ESYT2: variants seen among roughly 807,000 people sequenced by gnomAD.
ESYT2 encodes extended synaptotagmin 2, also known as extended synaptotagmin-2.
A neutral mutation model predicts 107.2 loss-of-function variants in ESYT2; 54 were observed. The observed-to-expected ratio is 0.50, with a 90% CI of 0.40 to 0.63. The LOEUF (loss-of-function observed/expected upper bound fraction) is 0.63, where lower values mean the gene tolerates loss of function less well. Ranked by LOEUF, ESYT2 falls within the 30% of genes least tolerant of loss-of-function variation. The probability of loss-of-function intolerance (pLI) is 0.00; values close to 1 mark genes in which losing one functional copy is unlikely to be tolerated. For missense variants in ESYT2, 1,020 were observed against 1,094.5 expected (o/e 0.93, Z 0.96); for synonymous variants, 491 against 434.1 (o/e 1.13, Z -1.63).
intron 1 of ESYT2, among the ~76,000 whole-genome samples, chr7:158,817,385 T>A (rs1481012911): frequency 6.6e-6 from 1 of 152,234 alleles, no homozygotes; most frequent in Non-Finnish European, 1.5e-5. Flanking sequence ...TGATTCCAGG[T>A]CTCTAGACAG....
intron 1 of ESYT2, among the ~76,000 whole-genome samples, chr7:158,810,474 C>G (rs1839962862): frequency 6.6e-6 from 1 of 151,976 alleles, no homozygotes; most frequent in African/African-American, 2.4e-5. Context: ...TCACTTGAGC[C>G]CAGAAGTTCA....
At chr7:158,750,429 C>G (rs1313603745) in intron 14 of ESYT2, among the ~76,000 whole-genome samples, 2 of 152,012 alleles carry the variant, frequency 1.3e-5, no homozygotes, top group African/African-American at 4.8e-5. Context: ...CTTAGCCCCA[C>G]AAGAAGATGC....
intron 1 of ESYT2, among the ~76,000 whole-genome samples, chr7:158,799,567 T>C (rs750064867): frequency 1.3e-5 from 2 of 152,292 alleles, no homozygotes; most frequent in Middle Eastern, 6.8e-3. Flanking sequence ...TTGTCTGCAA[T>C]GTGCTACAAC....
At chr7:158,783,130 C>T (rs1229723413) in intron 6 of ESYT2, among the ~76,000 whole-genome samples, 1 of 152,190 alleles carries the variant, frequency 6.6e-6, no homozygotes, top group African/African-American at 2.4e-5. Flanking sequence ...TTCCAAAGGA[C>T]AGGAAGTCAC....
intron 7 of ESYT2, among the ~76,000 whole-genome samples, chr7:158,769,561 T>A (rs1015954030): frequency 2.0e-5 from 3 of 152,262 alleles, no homozygotes; most frequent in Non-Finnish European, 4.4e-5. Flanking sequence ...TCCCTGTGTG[T>A]CCTTCGGAAC....
intron 3 of ESYT2, among the ~76,000 whole-genome samples, chr7:158,794,908 C>A (rs1238731780): frequency 6.6e-6 from 1 of 152,192 alleles, no homozygotes; most frequent in African/African-American, 2.4e-5. Flanking sequence ...TAGCCACCTC[C>A]TATGCTCCCA....
intron 21 of ESYT2, 120 bp from the exon 22 acceptor site, chr7:158,734,591 C>G: frequency 1.2e-6 from 1 of 844,336 alleles, no homozygotes; most frequent in South Asian, 1.7e-5. Context: ...GAGTTTGAGA[C>G]CAGCCTGGGC....
intron 13 of ESYT2, among the ~76,000 whole-genome samples, chr7:158,759,265 T>A (rs531887883): frequency 6.3e-4 from 96 of 152,366 alleles, no homozygotes; most frequent in Non-Finnish European, 1.2e-3. Context: ...TTTTCCTATG[T>A]ACTGCACAAA....
chr7:158,784,541 A>C (rs910432900), intron 6 of ESYT2, among the ~76,000 whole-genome samples: 5 of 152,234 alleles, frequency 3.3e-5, no homozygotes, highest in Admixed American at 1.3e-4. Flanking sequence ...GCAGAACCAG[A>C]TGAAGCTAGT....
At chr7:158,764,892 G>A (rs1253478186) in intron 8 of ESYT2, 39 bp from the exon 9 acceptor site, 1 of 1,597,356 alleles carries the variant, frequency 6.3e-7, no homozygotes, top group Non-Finnish European at 8.5e-7. Flanking sequence ...ACCCTTGGCT[G>A]GCTTGTTTAA....
chr7:158,772,794 C>G (rs140977508), intron 7 of ESYT2, among the ~76,000 whole-genome samples: 1 of 151,482 alleles, frequency 6.6e-6, no homozygotes. Flanking sequence ...TGAAATGATA[C>G]GGAACTTCAA....
At chr7:158,786,386 G>A (rs551280758) in intron 6 of ESYT2, among the ~76,000 whole-genome samples, 5 of 151,918 alleles carry the variant, frequency 3.3e-5, no homozygotes, top group South Asian at 2.1e-4. Flanking sequence ...AATGAAGTTC[G>A]TTTCTTAAAC....
Position 158,829,350 on chromosome 7 carries a change from C to G in ESYT2, c.69G>C (p.Glu23Asp), listed in dbSNP as rs1418886921. The change falls in exon 1 of 23, where the codon GAG (glutamate) becomes GAC (aspartate). Residue 23 changes from glutamate to aspartate, a missense_variant. Physicochemically the swap from Glu to Asp is conservative, Grantham distance 45. Coordinates refer to ENST00000275418, the MANE Select transcript of ESYT2 (RefSeq NM_001367773.1). ...CCACGCTCAGCACGCCCCCGGGGTT[C>G]TCAGGCGCCGCGCGGCCCCCAGCCC... Reference protein sequence around the residue: ...AGGAGGRAAPENPGGVLSVEL... With the variant: ...AGGAGGRAAPDNPGGVLSVEL... 1 of 1,408,396 alleles carries G rather than the reference C, an allele frequency of 7.1e-7. No individual in the cohort carries two copies. The highest frequency in any genetic ancestry group is 1.5e-5 in the South Asian group (1 of 67,174). The allele number at this position is 1,408,396 out of a possible 1,614,324, so 87.2% of individuals were successfully genotyped here. A position where few individuals can be genotyped will look rare whatever the true frequency, so the allele number is the denominator to read the frequency against.
chr7:158,767,874 AT>A, intron 7 of ESYT2, 100 bp from the exon 8 acceptor site: 1 of 1,379,878 alleles, frequency 7.2e-7, no homozygotes. Flanking sequence ...TGTAAGTCCC[AT>A]TTATTTACAG....
At chr7:158,759,879 T>C (rs186611651) in intron 12 of ESYT2, among the ~76,000 whole-genome samples, 179 bp downstream of exon 12, 48 of 152,352 alleles carry the variant, frequency 3.2e-4, no homozygotes, top group African/African-American at 1.1e-3. Flanking sequence ...TAAATTTCAT[T>C]TTAAAAACTC....
intron 6 of ESYT2, among the ~76,000 whole-genome samples, chr7:158,778,752 C>T (rs1319204400): frequency 6.6e-6 from 1 of 152,116 alleles, no homozygotes; most frequent in East Asian, 1.9e-4. Context: ...GAGTACAAAA[C>T]ATGTTTGCAG....
rs181417380 is a variant in ESYT2, at chr7:158,735,866, G to T, written c.2400-258C>A. On this transcript the variant is annotated intron_variant, in intron 20 of 22. Transcript: ENST00000275418. ...GTCCCAAGGTCCCTGGCTCACTCAC[G>T]GGTGGGTGAGGAGCGTCTCTCAACA... 6.6e-3 allele frequency among the ~76,000 whole-genome samples: 997 copies of T among 152,204 alleles called. 12 individuals are homozygous for T. The highest frequency in any genetic ancestry group is 0.01 in the Non-Finnish European group (713 of 68,012).
At chr7:158,794,259 C>T (rs1050051601) in intron 3 of ESYT2, among the ~76,000 whole-genome samples, 22 of 152,242 alleles carry the variant, frequency 1.4e-4, no homozygotes, top group East Asian at 9.7e-4. Context: ...TTTGGGATAC[C>T]AAGGCAGAGG....
intron 17 of ESYT2, 29 bp downstream of exon 17, chr7:158,743,500 A>G (rs755465912): frequency 3.1e-5 from 50 of 1,588,614 alleles, no homozygotes; most frequent in East Asian, 4.8e-5. Flanking sequence ...CCCATCCCCT[A>G]TGGTGTTCAC....
Sources: gnomAD v4.1 joint callset for allele counts (sites outside exome capture counted in the v4.1 genomes callset) on GRCh38, gnomAD v4.1.1 for gene constraint, MANE v1.5 for transcripts, NCBI Gene and HGNC (gene_info 2026-07-23, HGNC 2026-07-21) for gene names.